GABRB3: variants seen among roughly 807,000 people sequenced by gnomAD.
GABRB3 encodes gamma-aminobutyric acid type A receptor subunit beta3, also known as gamma-aminobutyric acid receptor subunit beta-3.
In GABRB3, 14 loss-of-function variants were observed where a neutral mutation model predicts 52.1. The observed-to-expected ratio is 0.27, with a 90% CI of 0.18 to 0.42. GABRB3 has a LOEUF of 0.42. Among genes scored for constraint, GABRB3 ranks in the 10% least tolerant of loss-of-function variants. The pLI is 1.00. For missense variants in GABRB3, 307 were observed against 609.1 expected (o/e 0.50, Z 5.22); for synonymous variants, 260 against 232.3 (o/e 1.12, Z -1.08).
At chr15:26,580,680 C>G in intron 5 of GABRB3, 1 of 636,412 alleles carries the variant, frequency 1.6e-6, no homozygotes. Flanking sequence ...AGTCGAGAGG[C>G]TGGGGAGAAT....
intron 8 of GABRB3, among the ~76,000 whole-genome samples, chr15:26,550,914 G>A (rs1386131717): frequency 1.3e-5 from 2 of 152,306 alleles, no homozygotes; most frequent in Admixed American, 6.5e-5. Context: ...GAGGTGAGAG[G>A]GAAGATACAT....
chr15:26,773,704 C>G (rs1060504683), upstream of GABRB3: 3 of 1,572,594 alleles, frequency 1.9e-6, no homozygotes, highest in African/African-American at 2.7e-5. Context: ...GCAGCAGGAG[C>G]TCCAGGAGCC....
chr15:26,624,224 C>T (rs576601520), intron 3 of GABRB3: 4 of 985,584 alleles, frequency 4.1e-6, no homozygotes, highest in South Asian at 9.4e-5. Flanking sequence ...CTGGTGTGGG[C>T]GGTGCGCTGG....
intron 3 of GABRB3, among the ~76,000 whole-genome samples, chr15:26,711,710 G>T (rs1330909424): frequency 1.3e-5 from 2 of 152,178 alleles, no homozygotes; most frequent in African/African-American, 2.4e-5. Flanking sequence ...GGCTCTGGTT[G>T]CCGCTAGCAT....
At chr15:26,665,949 A>T (rs1035343217) in intron 3 of GABRB3, among the ~76,000 whole-genome samples, 1 of 152,246 alleles carries the variant, frequency 6.6e-6, no homozygotes, top group Non-Finnish European at 1.5e-5. Flanking sequence ...AGCCACTGAG[A>T]CAAGTAGGTT....
chr15:26,647,478 T>C lies in GABRB3; in HGVS notation c.241-25944A>G, dbSNP rs552027019. On this transcript the variant is annotated intron_variant, in intron 3 of 8. Transcript: ENST00000311550. ...AAGGTTTTTTTCTGTAAATGTTTCA[T>C]GGTTTCAGATCTTACATTCAGGTGG... Among the ~76,000 whole-genome samples, 34 of 152,292 alleles carry C rather than the reference T, an allele frequency of 2.2e-4. No homozygotes were observed. The East Asian group carries it at 4.2e-3, about 19-fold the overall frequency.
At chr15:26,653,433 A>T (rs1453342068) in intron 3 of GABRB3, among the ~76,000 whole-genome samples, 1 of 152,224 alleles carries the variant, frequency 6.6e-6, no homozygotes, top group Non-Finnish European at 1.5e-5. Flanking sequence ...GGCACAGAAG[A>T]CAGCAAGAAG....
intron 3 of GABRB3, among the ~76,000 whole-genome samples, chr15:26,649,000 A>T (rs1233611868): frequency 6.6e-6 from 1 of 151,820 alleles, no homozygotes; most frequent in East Asian, 1.9e-4. Context: ...AACAGCAAAG[A>T]GCTAAGAGAT....
At chr15:26,628,856 G>C in intron 3 of GABRB3, 1 of 1,027,292 alleles carries the variant, frequency 9.7e-7, no homozygotes, top group South Asian at 1.5e-5. Context: ...GGCCTGAAAC[G>C]GCAGTCCTCA....
intron 3 of GABRB3, among the ~76,000 whole-genome samples, chr15:26,660,604 A>T (rs1202506033): frequency 6.6e-6 from 1 of 152,214 alleles, no homozygotes; most frequent in Non-Finnish European, 1.5e-5. Context: ...ACCACCACAC[A>T]GCAGCCAGAT....
At chr15:26,740,153 T>A (rs1890164556) in intron 3 of GABRB3, among the ~76,000 whole-genome samples, 1 of 152,020 alleles carries the variant, frequency 6.6e-6, no homozygotes, top group South Asian at 2.1e-4. Flanking sequence ...ACCATCCCCA[T>A]CCTCACAGTG....
intron 3 of GABRB3, among the ~76,000 whole-genome samples, chr15:26,664,572 G>A (rs189305702): frequency 4.3e-4 from 65 of 151,676 alleles, no homozygotes; most frequent in African/African-American, 1.5e-3. Context: ...TAATTATTAT[G>A]GGTACCTCAT....
intron 4 of GABRB3, among the ~76,000 whole-genome samples, chr15:26,599,474 C>T (rs2140498094): frequency 6.6e-6 from 1 of 152,338 alleles, no homozygotes; most frequent in East Asian, 1.9e-4. Flanking sequence ...GGAATACAGT[C>T]CATAACCAGC....
chr15:26,652,659 T>C (rs1450492121), intron 3 of GABRB3, among the ~76,000 whole-genome samples: 1 of 152,166 alleles, frequency 6.6e-6, no homozygotes, highest in Non-Finnish European at 1.5e-5. Flanking sequence ...AGTTGAGCAT[T>C]AGCCTAGATG....
chr15:26,750,247 T>C (rs978061813), intron 3 of GABRB3: 2 of 152,196 alleles, frequency 1.3e-5, no homozygotes, highest in African/African-American at 2.4e-5. Context: ...TAAAACTACT[T>C]ACTAAAATGA....
At chr15:26,581,373 G>A (rs1032240166) in intron 5 of GABRB3, among the ~76,000 whole-genome samples, 3 of 152,156 alleles carry the variant, frequency 2.0e-5, no homozygotes, top group Non-Finnish European at 2.9e-5. Context: ...GCTGTAGGGT[G>A]GGGAAGAGTT....
chr15:26,563,699 C>T lies in GABRB3; in HGVS notation c.836-2523G>A, dbSNP rs77016934. On this transcript the variant is annotated intron_variant, in intron 7 of 8. Coordinates refer to ENST00000311550, the MANE Select transcript of GABRB3 (RefSeq NM_000814.6). Reference sequence around the variant, plus strand: ...TTACAGAAAAATCATTCTTCGGTAGCCTCTAGGCTTCCTGGCCTTGCCTTG... The same window carrying T: ...TTACAGAAAAATCATTCTTCGGTAGTCTCTAGGCTTCCTGGCCTTGCCTTG... 6.6e-3 allele frequency among the ~76,000 whole-genome samples: 1,002 copies of T among 152,262 alleles called. 15 individuals are homozygous for T. Among genetic ancestry groups the T allele is most frequent in the African/African-American group, 0.023 (959 of 41,560 alleles).
chr15:26,696,174 C>T (rs1346050541), intron 3 of GABRB3, among the ~76,000 whole-genome samples: 1 of 152,092 alleles, frequency 6.6e-6, no homozygotes, highest in Non-Finnish European at 1.5e-5. Flanking sequence ...AGCTTATTTC[C>T]ACAGGTGCAC....
intron 3 of GABRB3, among the ~76,000 whole-genome samples, chr15:26,729,985 A>C (rs182945034): frequency 1.5e-3 from 231 of 152,346 alleles, no homozygotes; most frequent in Non-Finnish European, 2.6e-3. Flanking sequence ...GATATGCATT[A>C]AATATTGTCA....
Sources: allele counts gnomAD v4.1 joint callset (sites outside exome capture counted in the v4.1 genomes callset), GRCh38; gene constraint gnomAD v4.1.1; transcripts MANE v1.5; gene names NCBI Gene and HGNC (gene_info 2026-07-23, HGNC 2026-07-21).